NRG1: variants seen among roughly 807,000 people sequenced by gnomAD.
The protein encoded by NRG1 is pro-neuregulin-1, membrane-bound isoform.
In NRG1, 18 loss-of-function variants were observed where a neutral mutation model predicts 63.8. The observed-to-expected ratio is 0.28, with a 90% CI of 0.19 to 0.42. The LOEUF (loss-of-function observed/expected upper bound fraction) is 0.42. Ranked by LOEUF, NRG1 falls within the 10% of genes least tolerant of loss-of-function variation. The pLI, the probability that NRG1 is intolerant of heterozygous loss-of-function variation, is 1.00. For synonymous variants in NRG1, 302 were observed against 301.3 expected (o/e 1.00, Z -0.02); for missense variants, 762 against 814.7 (o/e 0.94, Z 0.79).
intron 1 of NRG1, among the ~76,000 whole-genome samples, chr8:32,317,485 G>A (rs754571320): frequency 2.6e-5 from 4 of 152,194 alleles, no homozygotes; most frequent in Non-Finnish European, 5.9e-5. Flanking sequence ...TTCTGTTAAA[G>A]ATATCAGAGG....
At chr8:32,578,448 A>AGCGTGTT (rs1169997719) in intron 1 of NRG1, among the ~76,000 whole-genome samples, 1 of 149,218 alleles carries the variant, frequency 6.7e-6, no homozygotes, top group Non-Finnish European at 1.5e-5. Flanking sequence ...TGGCAGAACC[A>AGCGTGTT]CTGCAGACAT....
intron 1 of NRG1, among the ~76,000 whole-genome samples, chr8:32,411,468 C>T (rs1006015448): frequency 6.6e-6 from 1 of 152,168 alleles, no homozygotes; most frequent in Non-Finnish European, 1.5e-5. Context: ...GAGGCTGAGG[C>T]CATGTACCTC....
intron 1 of NRG1, among the ~76,000 whole-genome samples, chr8:31,846,422 C>T (rs1215771544): frequency 6.6e-6 from 1 of 152,188 alleles, no homozygotes; most frequent in Non-Finnish European, 1.5e-5. Flanking sequence ...CCAGCCCCTT[C>T]CTCAGTACTT....
intron 1 of NRG1, among the ~76,000 whole-genome samples, chr8:31,916,922 T>C (rs943285667): frequency 3.9e-5 from 6 of 151,982 alleles, no homozygotes; most frequent in Admixed American, 2.0e-4. Context: ...TGGTATCTCA[T>C]TGTGGTTTTG....
At chr8:31,742,487 A>G (rs1187242656) in intron 1 of NRG1, among the ~76,000 whole-genome samples, 1 of 40,898 alleles carries the variant, frequency 2.4e-5, no homozygotes, top group Non-Finnish European at 5.6e-5. Context: ...TTTTTAACGA[A>G]AGCTATTGTC....
intron 1 of NRG1, among the ~76,000 whole-genome samples, chr8:31,936,801 A>G (rs1800972033): frequency 6.6e-6 from 1 of 152,240 alleles, no homozygotes; most frequent in South Asian, 2.1e-4. Context: ...AAATAAGCAC[A>G]TACAACCAAA....
chr8:31,716,894 G>C (rs1439366684), intron 1 of NRG1, among the ~76,000 whole-genome samples: 1 of 152,188 alleles, frequency 6.6e-6, no homozygotes, highest in Non-Finnish European at 1.5e-5. Flanking sequence ...AAATGTCAGA[G>C]CTAGAACATT....
intron 1 of NRG1, among the ~76,000 whole-genome samples, chr8:32,196,518 A>G (rs575892534): frequency 3.9e-5 from 6 of 152,350 alleles, no homozygotes; most frequent in African/African-American, 1.4e-4. Context: ...AGACTGCCCA[A>G]TTCACACAAT....
intron 1 of NRG1, among the ~76,000 whole-genome samples, chr8:32,236,562 A>T (rs868472492): frequency 1.3e-4 from 20 of 152,236 alleles, no homozygotes; most frequent in South Asian, 1.0e-3. Context: ...GATAGTAGGG[A>T]TGGAAATGGG....
intron 1 of NRG1, among the ~76,000 whole-genome samples, chr8:32,111,984 G>A (rs1253731557): frequency 6.6e-6 from 1 of 152,140 alleles, no homozygotes; most frequent in Non-Finnish European, 1.5e-5. Flanking sequence ...ATGAAGAAAT[G>A]AAAGGGGAAA....
chr8:32,049,565 A>C (rs1215247864), intron 1 of NRG1, among the ~76,000 whole-genome samples: 1 of 152,168 alleles, frequency 6.6e-6, no homozygotes, highest in Non-Finnish European at 1.5e-5. Context: ...CTTAAAGCTT[A>C]ATTTTGACTG....
In NRG1 at chr8:32,494,618, A is replaced by G. The variant is rs1317342; in HGVS notation, c.38-101210A>G. Among the ~76,000 whole-genome samples, 1,282 of 152,342 alleles carry G rather than the reference A, an allele frequency of 8.4e-3. 13 individuals are homozygous for G. The highest frequency in any genetic ancestry group is 0.013 in the Non-Finnish European group (858 of 68,034). The stretch of plus-strand genomic sequence containing the variant: ...CAAATTAACAAAAAGAATTTTATTT[A>G]GTGGCCATATATAAAAGCTAAATGG... On this transcript the variant is annotated intron_variant, in intron 1 of 10. Coordinates refer to the NRG1 transcript ENST00000519301.
chr8:32,641,184 T>A (rs1034919355), intron 5 of NRG1, among the ~76,000 whole-genome samples: 1 of 150,502 alleles, frequency 6.6e-6, no homozygotes, highest in Non-Finnish European at 1.5e-5. Context: ...TTTATATATG[T>A]AAATTAATAT....
intron 2 of NRG1, among the ~76,000 whole-genome samples, chr8:32,605,087 GAGA>G (rs1845042563): frequency 6.6e-6 from 1 of 152,118 alleles, no homozygotes; most frequent in Non-Finnish European, 1.5e-5. Flanking sequence ...TTACTCTACT[GAGA>G]AGAAGAGTGC....
At chr8:32,292,078 A>G (rs966898148) in intron 1 of NRG1, among the ~76,000 whole-genome samples, 1 of 152,202 alleles carries the variant, frequency 6.6e-6, no homozygotes, top group Non-Finnish European at 1.5e-5. Flanking sequence ...ATGTGCATTT[A>G]CAGGAAGAAG....
At position 32,297,106 on chromosome 8, in the gene NRG1, G is replaced by T. The variant is rs140824974; in HGVS notation, c.38-298722G>T. ...CTCCAGCCTGGTGACAGAATGAGAC[G>T]CTGTCTCAAAGAAAAAAAAATTATA... On this transcript the variant is annotated intron_variant, in intron 1 of 10. Coordinates refer to the NRG1 transcript ENST00000519301. Among the ~76,000 whole-genome samples the T allele has an allele frequency of 3.2e-3, 480 of 152,064 alleles. 2 individuals carry two copies. Among genetic ancestry groups the T allele is most frequent in the Non-Finnish European group, 5.6e-3 (381 of 68,000 alleles).
intron 1 of NRG1, among the ~76,000 whole-genome samples, chr8:32,303,045 G>T (rs1174144691): frequency 6.6e-6 from 1 of 151,864 alleles, no homozygotes; most frequent in African/African-American, 2.4e-5. Flanking sequence ...AGCCGGGCGT[G>T]GTGGCTGATG....
At chr8:32,330,062 AAAAAAAAAAAAAAAAAAAAG>A (rs1174966927) in intron 1 of NRG1, among the ~76,000 whole-genome samples, 3 of 145,090 alleles carry the variant, frequency 2.1e-5, no homozygotes, top group African/African-American at 7.8e-5. Flanking sequence ...AAAAAAAAAA[AAAAAAAAAAAAAAAAAAAAG>A]TGTGTAGGGA....
rs185169146 is a variant in NRG1 at position 32,502,025 on chromosome 8, C to A, written c.38-93803C>A. 3.3e-5 allele frequency among the ~76,000 whole-genome samples: 5 copies of A among 152,226 alleles called. No individual in the cohort carries two copies. In the East Asian group the frequency reaches 9.7e-4, roughly 30 times the overall value. ...GCTCATTTTAAAAGTAGTTTTGCAT[C>A]AATACACTACTGTATTAGTCCATTC... is the stretch of plus-strand genomic sequence containing the variant. On this transcript the variant is annotated intron_variant, in intron 1 of 10. Coordinates refer to the NRG1 transcript ENST00000519301.
Sources: gnomAD v4.1 joint callset for allele counts (sites outside exome capture counted in the v4.1 genomes callset) on GRCh38, gnomAD v4.1.1 for gene constraint, MANE v1.5 for transcripts, NCBI Gene and HGNC (gene_info 2026-07-23, HGNC 2026-07-21) for gene names.